C2CD5: variants seen among roughly 807,000 people sequenced by gnomAD.
C2CD5 encodes the protein C2 domain-containing protein 5.
In C2CD5, 109 loss-of-function variants were observed where a neutral mutation model predicts 130.3. The observed-to-expected ratio is 0.84, with a 90% CI of 0.72 to 0.98. C2CD5 has a LOEUF of 0.98. C2CD5 is among the 50% of genes least tolerant of loss of function. The pLI, the probability that C2CD5 is intolerant of heterozygous loss-of-function variation, is 0.00. For missense variants in C2CD5, 996 were observed against 1,261.8 expected (o/e 0.79, Z 3.19); for synonymous variants, 454 against 429.2 (o/e 1.06, Z -0.71).
intron 22 of C2CD5, among the ~76,000 whole-genome samples, chr12:22,469,133 G>T (rs1440109079): frequency 6.6e-6 from 1 of 152,038 alleles, no homozygotes; most frequent in Non-Finnish European, 1.5e-5. Context: ...GATCAAAATA[G>T]ATTTATTGCT....
At chr12:22,511,869 C>T (rs7967059) in intron 9 of C2CD5, among the ~76,000 whole-genome samples, 13,856 of 152,068 alleles carry the variant, frequency 0.091, 872 homozygotes, top group African/African-American at 0.18. Context: ...TATAAGCAAG[C>T]ATATTCCTCT....
At chr12:22,479,940 A>AT (rs1257543957) in intron 14 of C2CD5, among the ~76,000 whole-genome samples, 2 of 152,184 alleles carry the variant, frequency 1.3e-5, no homozygotes, top group Non-Finnish European at 2.9e-5. Context: ...TGTTATTATT[A>AT]TTTTTTAAAT....
At chr12:22,467,493 C>T (rs1315795075) in intron 22 of C2CD5, among the ~76,000 whole-genome samples, 1 of 152,132 alleles carries the variant, frequency 6.6e-6, no homozygotes, top group Non-Finnish European at 1.5e-5. Context: ...TCTAATTTAG[C>T]TTTTGATTTA....
chr12:22,540,690 C>A (rs192749491), intron 2 of C2CD5, among the ~76,000 whole-genome samples: 61 of 152,256 alleles, frequency 4.0e-4, no homozygotes, highest in South Asian at 2.3e-3. Context: ...GAAACCCCGT[C>A]GCTACTAAAA....
intron 12 of C2CD5, among the ~76,000 whole-genome samples, chr12:22,486,648 A>C (rs914754855): frequency 2.6e-5 from 4 of 152,180 alleles, no homozygotes; most frequent in Admixed American, 6.6e-5. Flanking sequence ...TATACAAATG[A>C]ATGGCTGATG....
At chr12:22,484,598 A>G (rs1945213779) in intron 13 of C2CD5, 99 bp downstream of exon 13, 1 of 552,950 alleles carries the variant, frequency 1.8e-6, no homozygotes, top group African/African-American at 1.9e-5. Context: ...TGCAGGATCA[A>G]ACAGGTAGGA....
At chr12:22,528,232 G>A (rs573835662) in intron 3 of C2CD5, among the ~76,000 whole-genome samples, 15 of 152,234 alleles carry the variant, frequency 9.9e-5, no homozygotes, top group Admixed American at 9.2e-4. Flanking sequence ...TCATATTAGA[G>A]TTCATGTAGT....
intron 22 of C2CD5, chr12:22,463,500 CTT>C (rs1241597330): frequency 6.6e-6 from 1 of 152,234 alleles, no homozygotes; most frequent in Non-Finnish European, 1.5e-5. Flanking sequence ...CTCTTGCTCT[CTT>C]TTTGCCCTTC....
intron 10 of C2CD5, chr12:22,502,669 T>A: frequency 1.2e-6 from 1 of 811,402 alleles, no homozygotes; most frequent in Non-Finnish European, 2.0e-6. Flanking sequence ...ATCTAGAACA[T>A]TTCTAAAAAC....
At chr12:22,490,498 G>C (rs532206895) in intron 11 of C2CD5, among the ~76,000 whole-genome samples, 51 of 151,804 alleles carry the variant, frequency 3.4e-4, no homozygotes, top group African/African-American at 1.2e-3. Context: ...TGGCAAGGCT[G>C]AAAGAATGAA....
At chr12:22,465,159 G>T (rs945193698) in intron 22 of C2CD5, among the ~76,000 whole-genome samples, 58 of 152,122 alleles carry the variant, frequency 3.8e-4, no homozygotes, top group African/African-American at 1.3e-3. Flanking sequence ...GCAGTCAGCA[G>T]CTAATGTAAT....
Position 22,513,316 on chromosome 12 carries a change from G to GT in C2CD5, c.1015dup (p.Thr339AsnfsTer31). On this transcript the variant is annotated frameshift_variant, in exon 9 of 27. Coordinates refer to ENST00000446597, the MANE Select transcript of C2CD5 (RefSeq NM_001286176.2). LOFTEE classifies it high-confidence loss of function. The stretch of plus-strand genomic sequence containing the variant: ...TACCCTCTGTTCCAACGCTGATTGA[G>GT]TCTGTTGTCTTAAAAGAGCTTTAAA... 6.2e-7 allele frequency: 1 copy of GT among 1,610,570 alleles called. No homozygotes were observed. Among genetic ancestry groups the GT allele is most frequent in the Non-Finnish European group, 8.5e-7 (1 of 1,176,946 alleles).
intron 12 of C2CD5, among the ~76,000 whole-genome samples, chr12:22,487,496 G>A (rs1394128040): frequency 9.2e-5 from 14 of 152,214 alleles, no homozygotes; most frequent in African/African-American, 1.4e-4. Context: ...TCAAAACCAC[G>A]ATGAGATACC....
At chr12:22,519,331 G>T in intron 7 of C2CD5, 1 of 1,128,618 alleles carries the variant, frequency 8.9e-7, no homozygotes, top group Non-Finnish European at 1.2e-6. Flanking sequence ...AGGAGCTTTA[G>T]TCAGGGAAGA....
chr12:22,471,312 T>C (rs1942992010), intron 20 of C2CD5, 87 bp downstream of exon 20: 2 of 774,756 alleles, frequency 2.6e-6, no homozygotes, highest in Non-Finnish European at 4.3e-6. Context: ...ATATGTTTAT[T>C]TAATTACGGC....
At chr12:22,498,288 G>A (rs1286168666) in intron 10 of C2CD5, among the ~76,000 whole-genome samples, 1 of 151,962 alleles carries the variant, frequency 6.6e-6, no homozygotes, top group Non-Finnish European at 1.5e-5. Flanking sequence ...CGTCTGCCTG[G>A]CTTAACAATT....
Position 22,471,420 on chromosome 12 carries a change from C to G in C2CD5, c.2337G>C (p.Leu779=). The G allele has an allele frequency of 6.4e-7, 1 of 1,572,000 alleles. No individual in the cohort carries two copies. ...TTACCTGAATTAATTCATCTTCAGG[C>G]AGAGATACTGTAAAATTTACATGGC... ...CLCHVNFTVS[L]PEDELIQVTV... The change falls in exon 20 of 27, where the codon CTG becomes CTC. Residue 779 remains leucine (L), a synonymous_variant. Coordinates refer to ENST00000446597, the MANE Select transcript of C2CD5 (RefSeq NM_001286176.2).
At chr12:22,536,488 A>C (rs74068230) in intron 2 of C2CD5, among the ~76,000 whole-genome samples, 2,772 of 152,306 alleles carry the variant, frequency 0.018, 101 homozygotes, top group African/African-American at 0.064. Flanking sequence ...CCCACCAAAA[A>C]TATAGTCATT....
intron 14 of C2CD5, among the ~76,000 whole-genome samples, chr12:22,481,241 TAAAG>T (rs1276793968): frequency 2.0e-5 from 3 of 152,190 alleles, no homozygotes; most frequent in Non-Finnish European, 4.4e-5. Context: ...TTTTTGCTCT[TAAAG>T]AAAGATGAAA....
Sources: gnomAD v4.1 joint callset for allele counts (sites outside exome capture counted in the v4.1 genomes callset) on GRCh38, gnomAD v4.1.1 for gene constraint, MANE v1.5 for transcripts, NCBI Gene and HGNC (gene_info 2026-07-23, HGNC 2026-07-21) for gene names.